The following CD46 variants were observed in gnomAD, a reference collection of about 807,000 sequenced individuals.
CD46 encodes membrane cofactor protein.
CD46 carries 30 observed loss-of-function variants against 53.3 expected under a neutral mutation model. That is an observed-to-expected ratio of 0.56 (90% CI 0.42 to 0.76). The LOEUF (loss-of-function observed/expected upper bound fraction) is 0.76. Ranked by LOEUF, CD46 falls within the 30% of genes least tolerant of loss-of-function variation. CD46 has a pLI of 0.00. For missense variants in CD46, 409 were observed against 463.0 expected (o/e 0.88, Z 1.07); for synonymous variants, 142 against 152.0 (o/e 0.93, Z 0.48).
intron 9 of CD46, 52 bp from the exon 10 acceptor site, chr1:207,785,019 T>C (rs1179172983): frequency 2.0e-6 from 3 of 1,472,538 alleles, no homozygotes; most frequent in Non-Finnish European, 2.8e-6. Flanking sequence ...TTGAAATAAA[T>C]GCTATCTGGA....
Position 207,785,628 on chromosome 1 carries a change from T to G in CD46, c.1028T>G (p.Val343Gly). The G allele has an allele frequency of 1.9e-6, 3 of 1,608,264 alleles. No individual in the cohort carries two copies. Among genetic ancestry groups the G allele is most frequent in the Non-Finnish European group, 2.6e-6 (3 of 1,174,884 alleles). The change falls in exon 11 of 13, where the codon GTT becomes GGT. Residue 343 changes from valine (V) to glycine (G), a missense_variant. By Grantham distance (109) the Val-to-Gly change is moderately radical (BLOSUM62 -3). Transcript: ENST00000367042. ...TCCTGGTTTCTTATAGTTGTTGGAG[T>G]TGCAGTAATTTGTGTTGTCCCGTAC... ...AVIVIAIVVGVAVICVVPYRY... is the reference protein window; with the variant it reads ...AVIVIAIVVGGAVICVVPYRY...
In CD46 at chr1:207,767,770, G is replaced by A. The variant is rs763405612; in HGVS notation, c.857-9G>A. ...TTGGTCCAATCTACATTATTATTTTGTTTTCCAGTGTCGACTTCTTCCACT... is the reference window on the plus strand; with the variant it reads ...TTGGTCCAATCTACATTATTATTTTATTTTCCAGTGTCGACTTCTTCCACT... On this transcript the variant is annotated splice_polypyrimidine_tract_variant and intron_variant, in intron 6 of 12. Transcript: ENST00000367042. The A allele has an allele frequency of 1.2e-6, 2 of 1,612,032 alleles. No individual in the cohort carries two copies. The highest frequency in any genetic ancestry group is 2.2e-5 in the East Asian group (1 of 44,832).
chr1:207,773,944 T>A (rs910234730), intron 8 of CD46, among the ~76,000 whole-genome samples: 1 of 152,214 alleles, frequency 6.6e-6, no homozygotes, highest in African/African-American at 2.4e-5. Context: ...CCTTGTTAAC[T>A]TTCTGTCTCA....
At chr1:207,764,239 G>A (rs1302662758) in intron 5 of CD46, among the ~76,000 whole-genome samples, 1 of 152,184 alleles carries the variant, frequency 6.6e-6, no homozygotes, top group Non-Finnish European at 1.5e-5. Context: ...GAGCTGCGGT[G>A]CGCCAGTCAC....
intron 11 of CD46, 39 bp downstream of exon 11, chr1:207,785,721 C>T: frequency 7.7e-7 from 1 of 1,300,494 alleles, no homozygotes; most frequent in East Asian, 2.3e-5. Context: ...CTTGGTCCTT[C>T]TTATACTTAA....
At chr1:207,775,426 G>T (rs1657989754) in intron 8 of CD46, among the ~76,000 whole-genome samples, 1 of 152,178 alleles carries the variant, frequency 6.6e-6, no homozygotes, top group South Asian at 2.1e-4. Flanking sequence ...TTGCTGGCAA[G>T]GAGCTGTGAT....
chr1:207,769,793 T>C (rs548916674), intron 7 of CD46: 70 of 153,096 alleles, frequency 4.6e-4, no homozygotes, highest in Non-Finnish European at 5.7e-4. Context: ...GACAGAGTCT[T>C]GCTCTGTCAC....
chr1:207,755,305 C>T (rs894406705), intron 1 of CD46, among the ~76,000 whole-genome samples: 2 of 152,092 alleles, frequency 1.3e-5, no homozygotes, highest in African/African-American at 4.8e-5. Flanking sequence ...GTTTGAGGTT[C>T]ATAAGGGTAA....
In CD46 at chr1:207,795,118, A is replaced by G. The variant is rs886045843; in HGVS notation, c.*1641A>G. 17 of 152,212 alleles carry G rather than the reference A, an allele frequency of 1.1e-4. No individual in the cohort carries two copies. Among genetic ancestry groups the G allele is most frequent in the Admixed American group, 3.9e-4 (6 of 15,284 alleles). 9.4% of individuals were successfully genotyped at this position (152,212 alleles called of 1,614,324 possible). On this transcript the variant is annotated 3_prime_UTR_variant, in exon 13 of 13. Coordinates refer to ENST00000367042, the MANE Select transcript of CD46 (RefSeq NM_172351.3). ...TTCACATGCTTTTCAAGAATGTCGC[A>G]ATTACTAAGAAGCAGATAATGGTGT...
At chr1:207,756,132 G>A (rs776619796) in intron 1 of CD46, among the ~76,000 whole-genome samples, 3 of 152,170 alleles carry the variant, frequency 2.0e-5, no homozygotes, top group Non-Finnish European at 4.4e-5. Context: ...TTGAGCAGGA[G>A]TTGTAGCTAC....
At chr1:207,761,150 T>C (rs927520735) in intron 4 of CD46, 99 bp from the exon 5 acceptor site, 8 of 729,354 alleles carry the variant, frequency 1.1e-5, no homozygotes, top group African/African-American at 1.8e-5. Context: ...AAACAGCTTG[T>C]AGAAACCCTA....
intron 6 of CD46, chr1:207,767,428 C>A: frequency 1.4e-6 from 1 of 706,262 alleles, no homozygotes; most frequent in Non-Finnish European, 2.5e-6. Context: ...ACGTTATGTA[C>A]ATTGCATGGG....
At chr1:207,758,733 G>A (rs1655850838) in intron 3 of CD46, among the ~76,000 whole-genome samples, 1 of 152,138 alleles carries the variant, frequency 6.6e-6, no homozygotes, top group African/African-American at 2.4e-5. Flanking sequence ...GACTATGTAA[G>A]GCAACTGACA....
intron 5 of CD46, among the ~76,000 whole-genome samples, chr1:207,764,839 T>C (rs1422481968): frequency 2.0e-5 from 3 of 152,232 alleles, no homozygotes; most frequent in Non-Finnish European, 1.5e-5. Context: ...AAGGTCCAGA[T>C]GGCTTCACTG....
At chr1:207,770,448 C>T (rs1280136309) in intron 8 of CD46, 86 bp downstream of exon 8, 13 of 988,716 alleles carry the variant, frequency 1.3e-5, no homozygotes, top group Non-Finnish European at 2.1e-5. Context: ...TATGTGTGCA[C>T]AGCGTGCAGG....
intron 9 of CD46, chr1:207,783,537 A>T (rs556559715): frequency 8.9e-6 from 4 of 448,620 alleles, no homozygotes; most frequent in Middle Eastern, 1.2e-3. Flanking sequence ...CTGTCGATAA[A>T]TTTTCTTTCT....
At position 207,757,541 on chromosome 1, in the gene CD46, AG is replaced by A; in HGVS notation, c.289del (p.Glu97LysfsTer10). ...ACTATCAAAATTATTTTCTTTCAGG[AG>A]AAACATGTCCATATATACGGGATCC... ...LPVSDDACYRETCPYIRDPLN... is the reference protein window; with the variant it reads ...LPVSDDACYRXTCPYIRDPLN... On this transcript the variant is annotated frameshift_variant and splice_region_variant, in exon 3 of 13. Coordinates refer to ENST00000367042, the MANE Select transcript of CD46 (RefSeq NM_172351.3). LOFTEE classifies it high-confidence loss of function. 6.3e-7 allele frequency: 1 copy of A among 1,583,834 alleles called. No individual in the cohort carries two copies. The highest frequency in any genetic ancestry group is 8.7e-7 in the Non-Finnish European group (1 of 1,154,718).
chr1:207,784,960 A>G, intron 9 of CD46, 111 bp from the exon 10 acceptor site: 1 of 876,238 alleles, frequency 1.1e-6, no homozygotes, highest in South Asian at 1.4e-5. Context: ...TCAAGATGAG[A>G]TTTGGGTGGG....
chr1:207,793,906 A>G lies in CD46; in HGVS notation c.*429A>G. 3.4e-6 allele frequency: 1 copy of G among 291,166 alleles called. No homozygotes were observed. The highest frequency in any genetic ancestry group is 6.7e-5 in the East Asian group (1 of 14,840). 18.0% of individuals were successfully genotyped at this position (291,166 alleles called of 1,614,324 possible). Reference sequence around the variant, plus strand: ...AATTAGAGAAATATAGTTCACAATGAAATTATATTTTCTTTGTAAAGAAAG... The same window carrying G: ...AATTAGAGAAATATAGTTCACAATGGAATTATATTTTCTTTGTAAAGAAAG... On this transcript the variant is annotated 3_prime_UTR_variant, in exon 13 of 13. Transcript: ENST00000367042.
Sources: allele counts gnomAD v4.1 joint callset (sites outside exome capture counted in the v4.1 genomes callset), GRCh38; gene constraint gnomAD v4.1.1; transcripts MANE v1.5; gene names NCBI Gene and HGNC (gene_info 2026-07-23, HGNC 2026-07-21).